Variants in NT5C2 observed in about 807,000 individuals in gnomAD.
NT5C2 encodes the protein 5'-nucleotidase, cytosolic II.
NT5C2 carries 58 observed loss-of-function variants against 76.1 expected under a neutral mutation model. The ratio of observed to expected loss-of-function variants is 0.76; its 90% CI spans 0.62 to 0.95. The LOEUF (loss-of-function observed/expected upper bound fraction) is 0.95, where lower values mean the gene tolerates loss of function less well. Ranked by LOEUF, NT5C2 falls within the 40% of genes least tolerant of loss-of-function variation. NT5C2 has a pLI of 0.00. For synonymous variants in NT5C2, 229 were observed against 237.4 expected (o/e 0.96, Z 0.32); for missense variants, 478 against 690.3 (o/e 0.69, Z 3.45).
Position 103,193,216 on chromosome 10 carries a change from A to T in NT5C2, c.-169+20T>A, listed in dbSNP as rs1371549993. The T allele has an allele frequency of 6.8e-6, 1 of 148,042 alleles. No individual in the cohort carries two copies. Among genetic ancestry groups the T allele is most frequent in the Non-Finnish European group, 1.5e-5 (1 of 66,368 alleles). The allele number at this position is 148,042 out of a possible 1,614,324, so 9.2% of individuals were successfully genotyped here. On this transcript the variant is annotated intron_variant, in intron 1 of 18. Transcript: ENST00000404739. The stretch of plus-strand genomic sequence containing the variant: ...TCGCCCGCTCCTTCCCCGCCCGCCC[A>T]CGGGGCCCGCCGCACTCACCGGCTC...
intron 4 of NT5C2, among the ~76,000 whole-genome samples, 169 bp downstream of exon 4, chr10:103,139,237 T>C (rs2079919324): frequency 6.6e-6 from 1 of 152,184 alleles, no homozygotes; most frequent in Non-Finnish European, 1.5e-5. Context: ...CTCAAGGATA[T>C]CTGATAATTT....
At position 103,106,703 on chromosome 10, in the gene NT5C2, T is replaced by C; in HGVS notation, c.179A>G (p.Tyr60Cys). ...GFDMDYTLAV[Y>C]KSPEYESLGF... ...AAGGGACTCATACTCTGGGGACTTGTACACTGCACAAAGAGGAGGTTTTCA... is the reference window on the plus strand; with the variant it reads ...AAGGGACTCATACTCTGGGGACTTGCACACTGCACAAAGAGGAGGTTTTCA... Residue 60 changes from tyrosine (Y) to cysteine (C), a missense_variant, in exon 5 of 19, where the codon TAC becomes TGC. Tyr to Cys is a radical substitution (Grantham distance 194). Transcript: ENST00000404739. 4 of 1,573,040 alleles carry C rather than the reference T, an allele frequency of 2.5e-6. No homozygotes were observed. Among genetic ancestry groups the C allele is most frequent in the Non-Finnish European group, 3.5e-6 (4 of 1,143,098 alleles).
At chr10:103,093,100 T>TTAGA (rs1334004530) in intron 15 of NT5C2, 39 bp downstream of exon 15, 2 of 1,469,714 alleles carry the variant, frequency 1.4e-6, no homozygotes, top group Non-Finnish European at 1.8e-6. Flanking sequence ...AGCTGGTCAT[T>TTAGA]TAGATATAAA....
At chr10:103,098,082 T>A (rs187691422) in intron 10 of NT5C2, 16 of 529,452 alleles carry the variant, frequency 3.0e-5, no homozygotes, top group Non-Finnish European at 5.4e-5. Flanking sequence ...ATTCTGCTAC[T>A]TTTACTCTGT....
intron 5 of NT5C2, 56 bp downstream of exon 5, chr10:103,106,533 G>T (rs2071320826): frequency 3.9e-6 from 4 of 1,013,528 alleles, no homozygotes; most frequent in Non-Finnish European, 6.2e-6. Flanking sequence ...CTAATTTGAG[G>T]GGTAAGGAAA....
intron 4 of NT5C2, among the ~76,000 whole-genome samples, chr10:103,107,355 A>G (rs1047970877): frequency 2.6e-5 from 4 of 152,204 alleles, no homozygotes; most frequent in Non-Finnish European, 5.9e-5. Context: ...ACAATTAGGG[A>G]AATCTAAATA....
chr10:103,146,102 C>T, intron 3 of NT5C2: 4 of 985,400 alleles, frequency 4.1e-6, no homozygotes, highest in Non-Finnish European at 4.8e-6. Context: ...AGTCACATAA[C>T]AAAATTCTTC....
At chr10:103,099,397 T>C (rs1590761550) in intron 9 of NT5C2, among the ~76,000 whole-genome samples, 2 of 152,282 alleles carry the variant, frequency 1.3e-5, no homozygotes, top group South Asian at 4.1e-4. Context: ...CTTAAGGATT[T>C]ACCAAAATGG....
At chr10:103,109,970 G>A (rs1191739630) in intron 4 of NT5C2, among the ~76,000 whole-genome samples, 1 of 152,174 alleles carries the variant, frequency 6.6e-6, no homozygotes, top group East Asian at 1.9e-4. Flanking sequence ...TTCAACCGAA[G>A]TGACTTTCTA....
chr10:103,189,871 T>C (rs1042445806), intron 1 of NT5C2, among the ~76,000 whole-genome samples: 5 of 151,686 alleles, frequency 3.3e-5, no homozygotes, highest in Non-Finnish European at 7.4e-5. Flanking sequence ...GGTTTCACCA[T>C]GTTGGCCAGG....
intron 3 of NT5C2, among the ~76,000 whole-genome samples, chr10:103,162,359 A>C (rs1385092095): frequency 6.6e-6 from 1 of 152,080 alleles, no homozygotes; most frequent in Non-Finnish European, 1.5e-5. Flanking sequence ...CCTTCCATAA[A>C]TCAATATGGA....
At chr10:103,173,275 T>A (rs1419874487) in intron 3 of NT5C2, among the ~76,000 whole-genome samples, 1 of 152,186 alleles carries the variant, frequency 6.6e-6, no homozygotes, top group Non-Finnish European at 1.5e-5. Context: ...ACACAATTTT[T>A]AAATTCTGTT....
chr10:103,155,316 C>T (rs1323479968), intron 3 of NT5C2, among the ~76,000 whole-genome samples: 2 of 152,208 alleles, frequency 1.3e-5, no homozygotes, highest in Non-Finnish European at 2.9e-5. Flanking sequence ...AAAACTGACA[C>T]TGTGCTAAGC....
intron 10 of NT5C2, among the ~76,000 whole-genome samples, chr10:103,097,602 C>T (rs2068513743): frequency 6.6e-6 from 1 of 152,106 alleles, no homozygotes; most frequent in Admixed American, 6.5e-5. Flanking sequence ...TAAAATTATA[C>T]ACATATTTAT....
At chr10:103,139,772 T>C (rs1241881598) in intron 3 of NT5C2, among the ~76,000 whole-genome samples, 1 of 152,218 alleles carries the variant, frequency 6.6e-6, no homozygotes, top group Non-Finnish European at 1.5e-5. Flanking sequence ...GTACTTAAAA[T>C]CTATTGTCTT....
intron 1 of NT5C2, among the ~76,000 whole-genome samples, chr10:103,188,146 G>C (rs2092267969): frequency 6.6e-6 from 1 of 152,144 alleles, no homozygotes; most frequent in Non-Finnish European, 1.5e-5. Context: ...CACGAGGTCA[G>C]GAGTTCGAGA....
At chr10:103,109,495 G>T (rs2072352436) in intron 4 of NT5C2, among the ~76,000 whole-genome samples, 1 of 151,986 alleles carries the variant, frequency 6.6e-6, no homozygotes, top group Non-Finnish European at 1.5e-5. Flanking sequence ...TCCTAACCAA[G>T]GCCCCATTTA....
chr10:103,119,956 A>G (rs2075320277), intron 4 of NT5C2, among the ~76,000 whole-genome samples: 1 of 152,082 alleles, frequency 6.6e-6, no homozygotes, highest in Non-Finnish European at 1.5e-5. Flanking sequence ...AAAATTAGCC[A>G]GGCATGATGG....
At chr10:103,131,138 G>A (rs943955164) in intron 4 of NT5C2, among the ~76,000 whole-genome samples, 5 of 152,170 alleles carry the variant, frequency 3.3e-5, no homozygotes, top group Non-Finnish European at 5.9e-5. Context: ...ACTTTGAGAT[G>A]TTATGTTTGA....
Sources: gnomAD v4.1 joint callset for allele counts (sites outside exome capture counted in the v4.1 genomes callset) on GRCh38, gnomAD v4.1.1 for gene constraint, MANE v1.5 for transcripts, NCBI Gene and HGNC (gene_info 2026-07-23, HGNC 2026-07-21) for gene names.